DNAJC6: variants seen among roughly 807,000 people sequenced by gnomAD.
The protein encoded by DNAJC6 is auxilin.
A neutral mutation model predicts 110.0 loss-of-function variants in DNAJC6; 34 were observed. The observed-to-expected ratio is 0.31, with a 90% confidence interval of 0.24 to 0.41. DNAJC6 has a LOEUF of 0.41. Ranked by LOEUF, DNAJC6 falls within the 10% of genes least tolerant of loss-of-function variation. The probability of loss-of-function intolerance (pLI) is 1.00; values close to 1 mark genes in which losing one functional copy is unlikely to be tolerated. For missense variants in DNAJC6, 1,031 were observed against 1,207.8 expected (o/e 0.85, Z 2.17); for synonymous variants, 406 against 437.2 (o/e 0.93, Z 0.89).
chr1:65,392,729 T>C lies in DNAJC6; in HGVS notation c.1767T>C (p.Gly589=), dbSNP rs1156578104. The part of the protein sequence containing the change: ...ELLSDLFGGG[G]AAGPTQAGQS... ...TGAGTGACCTGTTTGGGGGTGGAGG[T>C]GCAGCTGGTCCCACCCAGGCTGGAC... Residue 589 remains glycine (G), a synonymous_variant, in exon 12 of 19, where the codon GGT becomes GGC. Coordinates refer to ENST00000371069, the MANE Select transcript of DNAJC6 (RefSeq NM_001256864.2). The C allele has an allele frequency of 6.2e-7, 1 of 1,612,518 alleles. No homozygotes were observed. The highest frequency in any genetic ancestry group is 1.1e-5 in the South Asian group (1 of 90,714).
chr1:65,268,863 T>C (rs1653418693), intron 1 of DNAJC6, among the ~76,000 whole-genome samples: 1 of 152,170 alleles, frequency 6.6e-6, no homozygotes, highest in South Asian at 2.1e-4. Flanking sequence ...TACTAAGTTC[T>C]TTGAGTATGT....
At chr1:65,336,434 A>G (rs953972911) in intron 1 of DNAJC6, among the ~76,000 whole-genome samples, 32 of 152,192 alleles carry the variant, frequency 2.1e-4, no homozygotes, top group African/African-American at 7.5e-4. Flanking sequence ...AACATTGTAC[A>G]TGATATATGT....
chr1:65,268,363 A>G (rs920966017), intron 1 of DNAJC6, among the ~76,000 whole-genome samples: 10 of 152,252 alleles, frequency 6.6e-5, no homozygotes, highest in African/African-American at 2.2e-4. Context: ...GAAATTAAGT[A>G]TAAGGCAACT....
intron 1 of DNAJC6, among the ~76,000 whole-genome samples, chr1:65,314,943 G>C (rs1379461213): frequency 6.6e-6 from 1 of 152,226 alleles, no homozygotes; most frequent in African/African-American, 2.4e-5. Context: ...GATTTGGAAG[G>C]GGAATCCCTG....
chr1:65,294,785 A>G (rs1644913768), intron 1 of DNAJC6, among the ~76,000 whole-genome samples: 1 of 152,230 alleles, frequency 6.6e-6, no homozygotes, highest in South Asian at 2.1e-4. Flanking sequence ...AAATTAAAAT[A>G]TTACACATAT....
At chr1:65,332,380 G>A (rs1249603630) in intron 1 of DNAJC6, among the ~76,000 whole-genome samples, 1 of 152,196 alleles carries the variant, frequency 6.6e-6, no homozygotes, top group African/African-American at 2.4e-5. Flanking sequence ...CAAAGAGCCA[G>A]GTAGAGGTTT....
chr1:65,336,611 G>A (rs1645339572), intron 1 of DNAJC6, among the ~76,000 whole-genome samples: 1 of 152,090 alleles, frequency 6.6e-6, no homozygotes, highest in Admixed American at 6.5e-5. Flanking sequence ...CTGGATTATT[G>A]TGAAGTAGAT....
chr1:65,358,041 T>C (rs1645560639), intron 1 of DNAJC6, among the ~76,000 whole-genome samples: 1 of 151,858 alleles, frequency 6.6e-6, no homozygotes, highest in East Asian at 1.9e-4. Context: ...TAGCTGGGCA[T>C]GGTGGCGGGC....
rs1654079188 is a variant in DNAJC6 at position 65,288,040 on chromosome 1, T to C, written c.-131+23108T>C. Among the ~76,000 whole-genome samples the C allele has an allele frequency of 3.3e-5, 5 of 152,162 alleles. 1 individual carries two copies. In the South Asian group the frequency reaches 1.0e-3, roughly 32 times the overall value. On this transcript the variant is annotated intron_variant, in intron 1 of 19. Coordinates refer to the DNAJC6 transcript ENST00000263441. ...CTCAGCCTTGTACTCTGCCTGGTGTTCCCCTGTCCATTGAACCTCTTGTTG... is the reference window on the plus strand; with the variant it reads ...CTCAGCCTTGTACTCTGCCTGGTGTCCCCCTGTCCATTGAACCTCTTGTTG...
intron 1 of DNAJC6, chr1:65,298,643 A>C (rs1644949375): frequency 6.6e-6 from 1 of 152,128 alleles, no homozygotes; most frequent in African/African-American, 2.4e-5. Context: ...TATTAAGATA[A>C]ACAATTTCTT....
intron 1 of DNAJC6, among the ~76,000 whole-genome samples, chr1:65,270,760 C>T (rs993267265): frequency 7.9e-5 from 12 of 152,152 alleles, no homozygotes; most frequent in Admixed American, 3.9e-4. Flanking sequence ...CTCGCTGCAA[C>T]GTCCACCTTC....
At chr1:65,393,697 G>T (rs986810729) in intron 12 of DNAJC6, among the ~76,000 whole-genome samples, 1 of 152,118 alleles carries the variant, frequency 6.6e-6, no homozygotes, top group Non-Finnish European at 1.5e-5. Context: ...AGCTCCTGAA[G>T]AACCCACTCA....
chr1:65,266,130 A>G (rs955079045), intron 1 of DNAJC6, among the ~76,000 whole-genome samples: 6 of 152,206 alleles, frequency 3.9e-5, no homozygotes, highest in Non-Finnish European at 5.9e-5. Flanking sequence ...GACGTGCAAC[A>G]ACGCAGGCCC....
At chr1:65,324,428 C>T (rs956798852) in intron 1 of DNAJC6, among the ~76,000 whole-genome samples, 2 of 151,800 alleles carry the variant, frequency 1.3e-5, no homozygotes, top group Non-Finnish European at 2.9e-5. Flanking sequence ...GGTGTGATCT[C>T]CGCTCACTGC....
chr1:65,375,616 C>G (rs774510603), intron 4 of DNAJC6, among the ~76,000 whole-genome samples: 1 of 151,844 alleles, frequency 6.6e-6, no homozygotes, highest in Non-Finnish European at 1.5e-5. Flanking sequence ...TTAGTAGAGA[C>G]GGGATTTCAC....
At chr1:65,280,902 T>C in intron 1 of DNAJC6, among the ~76,000 whole-genome samples, 1 of 152,038 alleles carries the variant, frequency 6.6e-6, no homozygotes, top group East Asian at 1.9e-4. Context: ...CAAGGGAAAA[T>C]TACATGGCTA....
intron 1 of DNAJC6, among the ~76,000 whole-genome samples, chr1:65,301,549 G>T (rs1263157131): frequency 6.6e-6 from 1 of 152,156 alleles, no homozygotes; most frequent in African/African-American, 2.4e-5. Context: ...CCCTCTTTGG[G>T]TTGATTAATT....
chr1:65,396,222 TGA>T (rs1295919640), intron 13 of DNAJC6, among the ~76,000 whole-genome samples: 1 of 152,162 alleles, frequency 6.6e-6, no homozygotes, highest in East Asian at 1.9e-4. Flanking sequence ...CATGCTCACT[TGA>T]GAGAGTCTCC....
At position 65,318,306 on chromosome 1, in the gene DNAJC6, T is replaced by TG. The variant is rs1366011378; in HGVS notation, c.193+8369dup. 3.4e-5 allele frequency among the ~76,000 whole-genome samples: 5 copies of TG among 148,532 alleles called. No homozygotes were observed. In the East Asian group the frequency reaches 1.0e-3, roughly 31 times the overall value. On this transcript the variant is annotated intron_variant, in intron 1 of 18. Coordinates refer to ENST00000371069, the MANE Select transcript of DNAJC6 (RefSeq NM_001256864.2). ...ATTCAAATGCAGTCATTAAAATATA[T>TG]GTTTTTTTTTCTGTTAATAGAGGAA...
Sources: allele counts gnomAD v4.1 joint callset (sites outside exome capture counted in the v4.1 genomes callset), GRCh38; gene constraint gnomAD v4.1.1; transcripts MANE v1.5; gene names NCBI Gene and HGNC (gene_info 2026-07-23, HGNC 2026-07-21).